Variants in TSGA10 observed in about 807,000 individuals in gnomAD.
TSGA10 encodes testis-specific gene 10 protein.
TSGA10 carries 43 observed loss-of-function variants against 96.6 expected under a neutral mutation model. The observed-to-expected ratio is 0.44, with a 90% confidence interval of 0.35 to 0.57. The LOEUF is 0.57. TSGA10 is among the 20% of genes least tolerant of loss of function. The pLI is 0.01. For synonymous variants in TSGA10, 229 were observed against 269.9 expected (o/e 0.85, Z 1.48); for missense variants, 703 against 834.4 (o/e 0.84, Z 1.94).
intron 12 of TSGA10, among the ~76,000 whole-genome samples, chr2:99,077,797 C>A (rs942045625): frequency 1.3e-5 from 2 of 151,842 alleles, no homozygotes; most frequent in Non-Finnish European, 2.9e-5. Context: ...CTCCTGACCT[C>A]ATGATCCGCC....
chr2:99,077,653 C>T (rs1476138424), intron 12 of TSGA10, among the ~76,000 whole-genome samples: 1 of 152,184 alleles, frequency 6.6e-6, no homozygotes, highest in East Asian at 2.0e-4. Context: ...GCTCCGCCTC[C>T]GGGGTTCAAG....
intron 10 of TSGA10, among the ~76,000 whole-genome samples, chr2:99,095,437 T>C (rs938785106): frequency 1.3e-5 from 2 of 152,134 alleles, no homozygotes; most frequent in African/African-American, 2.4e-5. Context: ...AGGTTCATAT[T>C]AGAAATATTA....
intron 10 of TSGA10, among the ~76,000 whole-genome samples, chr2:99,090,289 C>A (rs924182598): frequency 3.3e-5 from 5 of 152,174 alleles, no homozygotes; most frequent in East Asian, 1.9e-4. Context: ...CAGATCTTCC[C>A]TCTGACATAG....
At chr2:99,113,737 G>A (rs763793600) in intron 4 of TSGA10, among the ~76,000 whole-genome samples, 1 of 148,792 alleles carries the variant, frequency 6.7e-6, no homozygotes, top group Non-Finnish European at 1.5e-5. Flanking sequence ...AGTAGAGACC[G>A]GGTTTCATCA....
At chr2:99,110,516 T>G (rs1574443273) in intron 5 of TSGA10, among the ~76,000 whole-genome samples, 1 of 152,312 alleles carries the variant, frequency 6.6e-6, no homozygotes, top group East Asian at 1.9e-4. Context: ...TATTTACTAT[T>G]AAGGGGGATA....
intron 12 of TSGA10, among the ~76,000 whole-genome samples, chr2:99,076,533 A>G (rs1315180450): frequency 1.3e-5 from 2 of 151,930 alleles, no homozygotes; most frequent in Non-Finnish European, 2.9e-5. Flanking sequence ...TCATGTATCT[A>G]TATCTCTATG....
At chr2:99,107,718 A>C (rs2091473742) in intron 7 of TSGA10, among the ~76,000 whole-genome samples, 1 of 152,212 alleles carries the variant, frequency 6.6e-6, no homozygotes, top group Admixed American at 6.5e-5. Flanking sequence ...TTTTACTGTA[A>C]TACAGCCAAA....
At chr2:99,153,645 A>G (rs139038375) in intron 1 of TSGA10, among the ~76,000 whole-genome samples, 4 of 152,222 alleles carry the variant, frequency 2.6e-5, no homozygotes, top group Non-Finnish European at 5.9e-5. Flanking sequence ...AAGAGCAACA[A>G]TATTCTGTGA....
chr2:99,083,920 T>G (rs1201340970), intron 10 of TSGA10, among the ~76,000 whole-genome samples: 1 of 152,184 alleles, frequency 6.6e-6, no homozygotes, highest in Non-Finnish European at 1.5e-5. Context: ...ACATATGTGA[T>G]AAAATGACAG....
chr2:99,036,102 G>T (rs1441512633), intron 16 of TSGA10, among the ~76,000 whole-genome samples: 1 of 152,020 alleles, frequency 6.6e-6, no homozygotes, highest in African/African-American at 2.4e-5. Flanking sequence ...AATGTCTTAT[G>T]TAAGTGCACT....
At chr2:99,151,016 G>A in intron 1 of TSGA10, 1 of 464,166 alleles carries the variant, frequency 2.2e-6, no homozygotes, top group Non-Finnish European at 3.9e-6. Flanking sequence ...AAAGGCAGTT[G>A]CTTTAGGGTG....
intron 16 of TSGA10, among the ~76,000 whole-genome samples, chr2:99,055,860 CAAA>C (rs59969222): frequency 1.4e-3 from 126 of 90,778 alleles, no homozygotes; most frequent in African/African-American, 2.3e-3. Context: ...ATCCAATTAA[CAAA>C]AAAAAAAAAA....
At chr2:99,149,567 C>T (rs1258047353) in intron 1 of TSGA10, among the ~76,000 whole-genome samples, 4 of 150,066 alleles carry the variant, frequency 2.7e-5, no homozygotes, top group Admixed American at 6.7e-5. Flanking sequence ...CTCAGCCTCC[C>T]GAGTAGCTGG....
intron 4 of TSGA10, 66 bp downstream of exon 4, chr2:99,117,478 T>A (rs575119591): frequency 3.9e-6 from 3 of 764,518 alleles, no homozygotes; most frequent in Admixed American, 6.2e-5. Context: ...ACTTTTTCCA[T>A]TGCATTTAAA....
At chr2:99,153,408 G>T (rs1181144594) in intron 1 of TSGA10, among the ~76,000 whole-genome samples, 1 of 152,200 alleles carries the variant, frequency 6.6e-6, no homozygotes, top group East Asian at 1.9e-4. Flanking sequence ...GAGGTCACTG[G>T]AGGATTGTTA....
chr2:99,042,725 A>G (rs935426895), intron 16 of TSGA10, among the ~76,000 whole-genome samples: 1 of 149,724 alleles, frequency 6.7e-6, no homozygotes, highest in Admixed American at 6.6e-5. Context: ...TTTTTTTGAG[A>G]CGGAGTCTTG....
chr2:99,129,391 T>C (rs1160377646), intron 1 of TSGA10, among the ~76,000 whole-genome samples: 1 of 152,210 alleles, frequency 6.6e-6, no homozygotes, highest in African/African-American at 2.4e-5. Context: ...AGCAGTGTGA[T>C]AAAGCATACA....
intron 10 of TSGA10, among the ~76,000 whole-genome samples, chr2:99,101,789 A>G (rs2090773150): frequency 6.6e-6 from 1 of 152,198 alleles, no homozygotes; most frequent in Non-Finnish European, 1.5e-5. Context: ...AAATAAGACA[A>G]CCAGAGAAAT....
In TSGA10 at chr2:99,081,298, G is replaced by A. The variant is rs1217613404; in HGVS notation, c.711C>T (p.Cys237=). The change falls in exon 11 of 21, where the codon TGC becomes TGT. Residue 237 remains cysteine (C), a synonymous_variant. Transcript: ENST00000393483. ...ELQLTQEKIM[C]LDEKIDNFTR... is the part of the protein sequence containing the mutation. ...AAAACTCACCAATTTTTTCATCCAA[G>A]CACATAATTTTCTCCTGAGTAAGCT... 2.6e-6 allele frequency: 4 copies of A among 1,560,980 alleles called. No homozygotes were observed. The highest frequency in any genetic ancestry group is 3.5e-6 in the Non-Finnish European group (4 of 1,154,266).
Sources: allele counts gnomAD v4.1 joint callset (sites outside exome capture counted in the v4.1 genomes callset), GRCh38; gene constraint gnomAD v4.1.1; transcripts MANE v1.5; gene names NCBI Gene and HGNC (gene_info 2026-07-23, HGNC 2026-07-21).